Variants in PHACTR2 observed in about 807,000 individuals in gnomAD.
The protein encoded by PHACTR2 is chromosome 6 open reading frame 56.
A neutral mutation model predicts 76.0 loss-of-function variants in PHACTR2; 30 were observed. The observed-to-expected ratio is 0.39, with a 90% CI of 0.30 to 0.54. The LOEUF (loss-of-function observed/expected upper bound fraction) is 0.54, where lower values mean the gene tolerates loss of function less well. Ranked by LOEUF, PHACTR2 falls within the 20% of genes least tolerant of loss-of-function variation. The pLI, the probability that PHACTR2 is intolerant of heterozygous loss-of-function variation, is 0.61. For missense variants in PHACTR2, 696 were observed against 781.1 expected, an observed-to-expected ratio of 0.89 and a Z score of 1.30; for synonymous variants, 292 against 292.5, an observed-to-expected ratio of 1.00 and a Z score of 0.02.
intron 2 of PHACTR2, among the ~76,000 whole-genome samples, chr6:143,721,605 A>G (rs2128463404): frequency 6.6e-6 from 1 of 151,706 alleles, no homozygotes; most frequent in East Asian, 1.9e-4. Flanking sequence ...GGCCTGAAAC[A>G]AATTATCTCC....
At chr6:143,540,357 A>G (rs907700401) in intron 1 of PHACTR2, among the ~76,000 whole-genome samples, 4 of 152,066 alleles carry the variant, frequency 2.6e-5, no homozygotes, top group African/African-American at 9.7e-5. Context: ...TCCCTCCAGA[A>G]CGACAGACCA....
intron 12 of PHACTR2, among the ~76,000 whole-genome samples, chr6:143,814,833 AC>A (rs1776265563): frequency 6.6e-6 from 1 of 151,742 alleles, no homozygotes; most frequent in African/African-American, 2.4e-5. Flanking sequence ...CAATCTGCTG[AC>A]CTCGTGATCC....
rs1775235360 is a variant in PHACTR2 at position 143,774,772 on chromosome 6, ATATCTG to A, written c.1589+558_1589+563del. Among the ~76,000 whole-genome samples the A allele has an allele frequency of 6.6e-6, 1 of 152,106 alleles. No homozygotes were observed. Among genetic ancestry groups the A allele is most frequent in the South Asian group, 2.1e-4 (1 of 4,818 alleles). ...TCCAAGTCAGGTAGCCTTAACCCTC[ATATCTG>A]AACATCCCTCTTCCAACTTCAAGTA... On this transcript the variant is annotated intron_variant, in intron 8 of 12. Transcript: ENST00000440869. The surrounding 1 kb of genome is among the most constrained non-coding windows in gnomAD (Gnocchi z 5.4).
At chr6:143,719,914 C>G (rs1035342363) in intron 2 of PHACTR2, among the ~76,000 whole-genome samples, 1 of 147,386 alleles carries the variant, frequency 6.8e-6, no homozygotes, top group African/African-American at 2.5e-5. Flanking sequence ...CAGGTTCAAG[C>G]AATTCTCCTG....
At position 143,794,362 on chromosome 6, in the gene PHACTR2, ATATTG is replaced by A. The variant is rs1327541859; in HGVS notation, c.1845+5457_1845+5461del. Among the ~76,000 whole-genome samples the A allele has an allele frequency of 6.6e-6, 1 of 151,300 alleles. No individual in the cohort carries two copies. The highest frequency in any genetic ancestry group is 2.4e-5 in the African/African-American group (1 of 41,300). ...TATATATATTTAGATCAGATTTAAA[ATATTG>A]TATTAAGTTAATTCATGTAAAAATT... On this transcript the variant is annotated intron_variant, in intron 11 of 12. Transcript: ENST00000440869. The surrounding 1 kb of genome is among the most constrained non-coding windows in gnomAD (Gnocchi z 4.1).
intron 1 of PHACTR2, among the ~76,000 whole-genome samples, chr6:143,594,326 AT>A (rs1450359551): frequency 4.6e-5 from 7 of 152,340 alleles, no homozygotes; most frequent in Middle Eastern, 3.4e-3. Context: ...TTGACATTGC[AT>A]GTGTATTATC....
In PHACTR2 at chr6:143,595,819, A is replaced by G. The variant is rs575884753; in HGVS notation, c.217+58612A>G. Among the ~76,000 whole-genome samples the G allele has an allele frequency of 6.6e-6, 1 of 152,350 alleles. No homozygotes were observed. Among genetic ancestry groups the G allele is most frequent in the African/African-American group, 2.4e-5 (1 of 41,586 alleles). Reference sequence around the variant, plus strand: ...TTAATTTAGCTTTCCAAAGATAAACACACTGGTGAATCATTACATGCTGAT... The same window carrying G: ...TTAATTTAGCTTTCCAAAGATAAACGCACTGGTGAATCATTACATGCTGAT... On this transcript the variant is annotated intron_variant, in intron 1 of 11. Transcript: ENST00000367584. This position sits in a 1 kb window ranked among gnomAD's most constrained non-coding sequence, Gnocchi z 4.2.
intron 10 of PHACTR2, among the ~76,000 whole-genome samples, chr6:143,786,086 C>G (rs1775550189): frequency 6.6e-6 from 1 of 152,222 alleles, no homozygotes; most frequent in Non-Finnish European, 1.5e-5. Flanking sequence ...TCTGCTGCAT[C>G]CTCAGGCTGC....
rs1287174261 is a variant in PHACTR2 at position 143,624,306 on chromosome 6, C to T, written c.13+15984C>T. On this transcript the variant is annotated intron_variant, in intron 1 of 11. Coordinates refer to the PHACTR2 transcript ENST00000305766. The surrounding 1 kb of genome is among the most constrained non-coding windows in gnomAD (Gnocchi z 4.6). ...ATTTTTAGGCGAGACAGGGTTTCCCCCTGTTGGCCAGGCTGGTCTCGAACT... is the reference window on the plus strand; with the variant it reads ...ATTTTTAGGCGAGACAGGGTTTCCCTCTGTTGGCCAGGCTGGTCTCGAACT... Among the ~76,000 whole-genome samples, 1 of 152,098 alleles carries T rather than the reference C, an allele frequency of 6.6e-6. No homozygotes were observed.
At position 143,767,908 on chromosome 6, in the gene PHACTR2, G is replaced by T. The variant is rs1486125646; in HGVS notation, c.1232+2110G>T. 6.6e-6 allele frequency among the ~76,000 whole-genome samples: 1 copy of T among 152,094 alleles called. No individual in the cohort carries two copies. The highest frequency in any genetic ancestry group is 1.5e-5 in the Non-Finnish European group (1 of 68,002). On this transcript the variant is annotated intron_variant, in intron 6 of 12. Coordinates refer to ENST00000440869, the MANE Select transcript of PHACTR2 (RefSeq NM_001100164.2). The surrounding 1 kb of genome is among the most constrained non-coding windows in gnomAD (Gnocchi z 4.4). ...GCTGGAGTACAGTGGCATGATCTCG[G>T]CTCACCTCAACCTCTGCCTCCCAGG...
intron 1 of PHACTR2, among the ~76,000 whole-genome samples, chr6:143,563,846 T>G (rs1426290758): frequency 2.8e-5 from 4 of 140,900 alleles, no homozygotes; most frequent in African/African-American, 7.9e-5. Flanking sequence ...AAAAAAAAAA[T>G]ACAAAAAATT....
intron 1 of PHACTR2, among the ~76,000 whole-genome samples, chr6:143,563,551 CAAAAAAAAAA>C (rs76587878): frequency 6.7e-5 from 2 of 29,950 alleles, no homozygotes; most frequent in Non-Finnish European, 1.9e-4. Context: ...AACTCCGTCT[CAAAAAAAAAA>C]AAAAAAAAAA....
At chr6:143,814,432 T>C (rs1179375309) in intron 12 of PHACTR2, among the ~76,000 whole-genome samples, 1 of 152,104 alleles carries the variant, frequency 6.6e-6, no homozygotes, top group Non-Finnish European at 1.5e-5. Flanking sequence ...TTCATCCTCA[T>C]CGTCTTCATG....
In PHACTR2 at chr6:143,811,626, T is replaced by C. The variant is rs1776175603; in HGVS notation, c.1922+4493T>C. On this transcript the variant is annotated intron_variant, in intron 12 of 12. Coordinates refer to ENST00000440869, the MANE Select transcript of PHACTR2 (RefSeq NM_001100164.2). The surrounding 1 kb of genome is among the most constrained non-coding windows in gnomAD (Gnocchi z 4.1). ...AATATTCATATCACCAAAATAAATATGCCTTGCTTAAGTATTCTTAAACCT... is the reference window on the plus strand; with the variant it reads ...AATATTCATATCACCAAAATAAATACGCCTTGCTTAAGTATTCTTAAACCT... 6.6e-6 allele frequency among the ~76,000 whole-genome samples: 1 copy of C among 152,188 alleles called. No homozygotes were observed. The highest frequency in any genetic ancestry group is 6.5e-5 in the Admixed American group (1 of 15,290).
At chr6:143,665,156 AC>A (rs1228152941) in intron 1 of PHACTR2, among the ~76,000 whole-genome samples, 1 of 152,194 alleles carries the variant, frequency 6.6e-6, no homozygotes, top group Non-Finnish European at 1.5e-5. Flanking sequence ...GTGATTAATT[AC>A]TTTTAGTGAA....
In PHACTR2 at chr6:143,742,621, A is replaced by G. The variant is rs1198609094; in HGVS notation, c.215-6364A>G. Among the ~76,000 whole-genome samples the G allele has an allele frequency of 6.6e-6, 1 of 152,212 alleles. No individual in the cohort carries two copies. The highest frequency in any genetic ancestry group is 2.4e-5 in the African/African-American group (1 of 41,456). ...CCAGGGATGAGGTTAGCCTTCTACA[A>G]ATAACATGGACTAAGAGAGGGGGAA... On this transcript the variant is annotated intron_variant, in intron 2 of 12. Transcript: ENST00000440869. The surrounding 1 kb of genome is among the most constrained non-coding windows in gnomAD (Gnocchi z 4.5).
At position 143,581,427 on chromosome 6, in the gene PHACTR2, A is replaced by G. The variant is rs13196809; in HGVS notation, c.217+44220A>G. Among the ~76,000 whole-genome samples, 45,098 of 151,866 alleles carry G rather than the reference A, an allele frequency of 0.3. 6,785 individuals carry two copies. The highest frequency in any genetic ancestry group is 0.42 in the Middle Eastern group (123 of 292). On this transcript the variant is annotated intron_variant, in intron 1 of 11. Transcript: ENST00000367584. This position sits in a 1 kb window ranked among gnomAD's most constrained non-coding sequence, Gnocchi z 4.5. ...AGCACAAGGAACCCACCAGTCAGGC[A>G]TGATCTCGGAGAGGGCGCTTGTTTG...
In PHACTR2 at chr6:143,680,513, G is replaced by A. The variant is rs1777367857; in HGVS notation, c.46+2304G>A. On this transcript the variant is annotated intron_variant, in intron 1 of 12. Coordinates refer to ENST00000440869, the MANE Select transcript of PHACTR2 (RefSeq NM_001100164.2). This position sits in a 1 kb window ranked among gnomAD's most constrained non-coding sequence, Gnocchi z 4.5. Reference sequence around the variant, plus strand: ...AATCTTCATTATAGGCTAGAAGTTAGCTTGCTTTCCCCGTTTTGACTTTAG... The same window carrying A: ...AATCTTCATTATAGGCTAGAAGTTAACTTGCTTTCCCCGTTTTGACTTTAG... 6.6e-6 allele frequency among the ~76,000 whole-genome samples: 1 copy of A among 152,170 alleles called. No individual in the cohort carries two copies. Among genetic ancestry groups the A allele is most frequent in the African/African-American group, 2.4e-5 (1 of 41,450 alleles).
At chr6:143,690,200 G>A (rs1323355863) in intron 1 of PHACTR2, among the ~76,000 whole-genome samples, 1 of 152,074 alleles carries the variant, frequency 6.6e-6, no homozygotes, top group African/African-American at 2.4e-5. Flanking sequence ...TTAACGAATC[G>A]CTTCTCAATA....
Sources: gnomAD v4.1 joint callset for allele counts (sites outside exome capture counted in the v4.1 genomes callset) on GRCh38, gnomAD v4.1.1 for gene constraint, Gnocchi (gnomAD v3.1) non-coding constraint, MANE v1.5 for transcripts, NCBI Gene and HGNC (gene_info 2026-07-23, HGNC 2026-07-21) for gene names.